The following F13A1 variants were observed in gnomAD, a reference collection of about 807,000 sequenced individuals.
The protein encoded by F13A1 is FSF, A subunit.
F13A1 carries 47 observed loss-of-function variants against 80.1 expected under a neutral mutation model. That is an observed-to-expected ratio of 0.59 (90% CI 0.46 to 0.75). The LOEUF is 0.75. Among genes scored for constraint, F13A1 ranks in the 30% least tolerant of loss-of-function variants. The probability of loss-of-function intolerance (pLI) is 0.00; values close to 1 mark genes in which losing one functional copy is unlikely to be tolerated. For synonymous variants in F13A1, 349 were observed against 344.9 expected (o/e 1.01, Z -0.13); for missense variants, 817 against 930.4 (o/e 0.88, Z 1.59).
chr6:6,316,078 CATATATATATATATATATATATAT>C (rs57716665), intron 2 of F13A1, among the ~76,000 whole-genome samples: 741 of 34,940 alleles, frequency 0.021, 49 homozygotes, highest in African/African-American at 0.031. Flanking sequence ...TGTGTGTGTG[CATATATATATATATATATATATAT>C]ATATATATAT....
intron 1 of F13A1, among the ~76,000 whole-genome samples, chr6:6,319,806 T>C (rs1758746218): frequency 6.6e-6 from 1 of 151,296 alleles, no homozygotes; most frequent in Admixed American, 6.6e-5. Flanking sequence ...GAGACAGGAG[T>C]GTTTGGATGC....
At chr6:6,223,218 T>C (rs1414056274) in intron 7 of F13A1, among the ~76,000 whole-genome samples, 1 of 152,218 alleles carries the variant, frequency 6.6e-6, no homozygotes, top group Non-Finnish European at 1.5e-5. Flanking sequence ...CACTGTGTGT[T>C]TCTGCCTTTT....
rs906303611 is a variant in F13A1 at position 6,153,029 on chromosome 6, C to T, written c.1909-1080G>A. ...TTACAGTTGATGCTTTTTAGGGTAG[C>T]AATGCTCTGGGTAGTTTGTCTTATT... is the stretch of plus-strand genomic sequence containing the variant. On this transcript the variant is annotated intron_variant, in intron 13 of 14. Transcript: ENST00000264870. Among the ~76,000 whole-genome samples the T allele has an allele frequency of 3.3e-5, 5 of 152,210 alleles. No homozygotes were observed. In the East Asian group the frequency reaches 9.6e-4, roughly 29 times the overall value.
Position 6,174,790 on chromosome 6 carries a change from T to G in F13A1, c.1537A>C (p.Met513Leu), listed in dbSNP as rs749832625. The G allele has an allele frequency of 6.2e-7, 1 of 1,614,200 alleles. No individual in the cohort carries two copies. Among genetic ancestry groups the G allele is most frequent in the Admixed American group, 1.7e-5 (1 of 60,028 alleles). Reference protein sequence around the residue: ...AKKPLNTEGVMKSRSNVDMDF... With the variant: ...AKKPLNTEGVLKSRSNVDMDF... ...ATGTCAACGTTGGACCTTGATTTCA[T>G]GACACCTTCTGTGTTGAGGGGCTTT... Residue 513 changes from methionine (M) to leucine (L), a missense_variant, in exon 12 of 15, where the codon ATG (methionine) becomes CTG (leucine). Coordinates refer to ENST00000264870, the MANE Select transcript of F13A1 (RefSeq NM_000129.4).
chr6:6,297,179 G>A (rs1416424547), intron 3 of F13A1, among the ~76,000 whole-genome samples: 3 of 151,218 alleles, frequency 2.0e-5, no homozygotes. Context: ...TTGCATCAAT[G>A]TTCATCAAAG....
chr6:6,264,133 A>C (rs574078036), intron 4 of F13A1, among the ~76,000 whole-genome samples: 16 of 152,342 alleles, frequency 1.1e-4, no homozygotes, highest in Non-Finnish European at 2.1e-4. Flanking sequence ...TTAGAAGGTT[A>C]TTAGATTGTC....
At chr6:6,170,744 A>G (rs1248586613) in intron 12 of F13A1, among the ~76,000 whole-genome samples, 1 of 152,198 alleles carries the variant, frequency 6.6e-6, no homozygotes, top group Non-Finnish European at 1.5e-5. Context: ...TCTGGAAAGT[A>G]TGCCTCCCAT....
intron 8 of F13A1, among the ~76,000 whole-genome samples, chr6:6,214,236 GCACCA>G (rs1761677890): frequency 6.6e-6 from 1 of 150,644 alleles, no homozygotes; most frequent in Non-Finnish European, 1.5e-5. Flanking sequence ...ATTTTTTTCA[GCACCA>G]CACCACACCT....
intron 6 of F13A1, among the ~76,000 whole-genome samples, chr6:6,247,669 G>A (rs1757572699): frequency 1.3e-5 from 2 of 152,232 alleles, no homozygotes; most frequent in African/African-American, 2.4e-5. Context: ...GGCATGAAAA[G>A]TAGAAAATGT....
Position 6,250,886 on chromosome 6 carries a change from A to C in F13A1, c.615T>G (p.Tyr205Ter). The change falls in exon 5 of 15, where the codon TAT becomes TAG. Residue 205 changes from tyrosine to a stop codon, truncating the protein, a stop_gained. Coordinates refer to ENST00000264870, the MANE Select transcript of F13A1 (RefSeq NM_000129.4). LOFTEE classifies it high-confidence loss of function. This position sits in a 1 kb window ranked among gnomAD's most constrained non-coding sequence, Gnocchi z 4.2. ...YLDNEKEREE[Y>*]VLNDIGVIFY... ...AAATTACCCCGATGTCATTCAGGAC[A>C]TACTCTTCTCTTTCTTTCTCATTGT... The C allele has an allele frequency of 1.2e-6, 2 of 1,613,482 alleles. No individual in the cohort carries two copies. Among genetic ancestry groups the C allele is most frequent in the Non-Finnish European group, 1.7e-6 (2 of 1,179,590 alleles).
intron 13 of F13A1, among the ~76,000 whole-genome samples, chr6:6,157,393 C>A (rs2326706): frequency 0.48 from 73,296 of 151,686 alleles, 17,923 homozygotes; most frequent in African/African-American, 0.57. Flanking sequence ...TCAAAACTAC[C>A]TATACTGTGA....
intron 6 of F13A1, among the ~76,000 whole-genome samples, chr6:6,235,778 C>A (rs1489554067): frequency 1.3e-5 from 2 of 152,020 alleles, no homozygotes; most frequent in Non-Finnish European, 2.9e-5. Flanking sequence ...CACCTCACTC[C>A]TAGGTATTTA....
intron 6 of F13A1, among the ~76,000 whole-genome samples, chr6:6,246,945 C>T (rs17141883): frequency 0.032 from 4,823 of 152,102 alleles, 220 homozygotes; most frequent in African/African-American, 0.1. Flanking sequence ...ATCTTGTGGG[C>T]GAAACAGTAA....
rs1322778255 is a variant in F13A1 at position 6,249,471 on chromosome 6, C to T, written c.691-1052G>A. 2.0e-5 allele frequency among the ~76,000 whole-genome samples: 3 copies of T among 152,326 alleles called. No homozygotes were observed. In the East Asian group the frequency reaches 5.8e-4, roughly 29 times the overall value. On this transcript the variant is annotated intron_variant, in intron 5 of 14. Transcript: ENST00000264870. Reference sequence around the variant, plus strand: ...GATTCCCTGCATCACTGTAAACATGCTTGGCTGGTTATTCTGGCCAAAGGA... The same window carrying T: ...GATTCCCTGCATCACTGTAAACATGTTTGGCTGGTTATTCTGGCCAAAGGA...
At chr6:6,260,581 T>G (rs750195435) in intron 4 of F13A1, among the ~76,000 whole-genome samples, 1 of 152,214 alleles carries the variant, frequency 6.6e-6, no homozygotes, top group Admixed American at 6.5e-5. Context: ...ACAGTGTATG[T>G]GCTTGTGTGT....
intron 6 of F13A1, among the ~76,000 whole-genome samples, chr6:6,238,287 G>A (rs78394924): frequency 0.026 from 3,956 of 152,250 alleles, 179 homozygotes; most frequent in African/African-American, 0.09. Flanking sequence ...ACAAATGCTG[G>A]TGGAACAAAT....
chr6:6,277,488 A>G (rs1466563056), intron 3 of F13A1, among the ~76,000 whole-genome samples: 2 of 152,184 alleles, frequency 1.3e-5, no homozygotes, highest in South Asian at 2.1e-4. Context: ...AACTGCCACA[A>G]AGTTTTTCTT....
chr6:6,298,450 A>T (rs1175467567), intron 3 of F13A1, among the ~76,000 whole-genome samples: 2 of 149,928 alleles, frequency 1.3e-5, no homozygotes, highest in African/African-American at 2.5e-5. Context: ...GGTGCATATA[A>T]ATTTAGGAGA....
Position 6,238,972 on chromosome 6 carries a change from T to C in F13A1, c.798+9340A>G, listed in dbSNP as rs566784074. On this transcript the variant is annotated intron_variant, in intron 6 of 14. Coordinates refer to ENST00000264870, the MANE Select transcript of F13A1 (RefSeq NM_000129.4). ...ATTCTTATAAAGTTAAATATATACA[T>C]ACTTTCTGATCTAGGCATGCTCTCT... 1.2e-4 allele frequency among the ~76,000 whole-genome samples: 18 copies of C among 152,258 alleles called. No homozygotes were observed. In the South Asian group the frequency reaches 3.5e-3, roughly 30 times the overall value.
Sources: allele counts gnomAD v4.1 joint callset (sites outside exome capture counted in the v4.1 genomes callset), GRCh38; gene constraint gnomAD v4.1.1; non-coding constraint Gnocchi (gnomAD v3.1); transcripts MANE v1.5; gene names NCBI Gene and HGNC (gene_info 2026-07-23, HGNC 2026-07-21).